STAG1: variants seen among roughly 807,000 people sequenced by gnomAD.
STAG1 encodes STAG1 cohesin complex component.
In STAG1, 26 loss-of-function variants were observed where a neutral mutation model predicts 170.9. That is an observed-to-expected ratio of 0.15 (90% CI 0.11 to 0.21). STAG1 has a LOEUF of 0.21. STAG1 is among the 10% of genes least tolerant of loss of function. The probability of loss-of-function intolerance (pLI) is 1.00; values close to 1 mark genes in which losing one functional copy is unlikely to be tolerated. For synonymous variants in STAG1, 514 were observed against 497.7 expected (o/e 1.03, Z -0.44); for missense variants, 964 against 1,509.5 (o/e 0.64, Z 5.99).
intron 1 of STAG1, among the ~76,000 whole-genome samples, chr3:136,636,369 CAAT>C (rs1226264282): frequency 6.6e-6 from 1 of 152,094 alleles, no homozygotes; most frequent in Non-Finnish European, 1.5e-5. Flanking sequence ...ATAATTATGA[CAAT>C]GATGTTATTT....
intron 4 of STAG1, among the ~76,000 whole-genome samples, chr3:136,599,550 T>G (rs1274817839): frequency 6.6e-6 from 1 of 151,684 alleles, no homozygotes; most frequent in Admixed American, 6.6e-5. Context: ...TAAAATAAAA[T>G]AAAATAAATC....
chr3:136,736,841 G>C (rs879791099), intron 1 of STAG1: 110 of 1,581,760 alleles, frequency 7.0e-5, no homozygotes, highest in Non-Finnish European at 8.8e-5. Flanking sequence ...TGTTTTTTTC[G>C]CTCTTTCACA....
chr3:136,376,627 CT>C (rs1215626537), intron 23 of STAG1, among the ~76,000 whole-genome samples: 1 of 152,138 alleles, frequency 6.6e-6, no homozygotes, highest in Non-Finnish European at 1.5e-5. Flanking sequence ...GAATGGGCAG[CT>C]GTTTGGGCGG....
At chr3:136,743,485 T>G (rs1010774540) in intron 1 of STAG1, among the ~76,000 whole-genome samples, 7 of 151,852 alleles carry the variant, frequency 4.6e-5, no homozygotes, top group African/African-American at 1.7e-4. Flanking sequence ...ATCAATTAAG[T>G]AAAATGAACC....
At chr3:136,529,186 A>G (rs1033853298) in intron 6 of STAG1, among the ~76,000 whole-genome samples, 6 of 152,160 alleles carry the variant, frequency 3.9e-5, no homozygotes, top group Admixed American at 2.6e-4. Flanking sequence ...CAAATGTTCA[A>G]TTTGGGGTCC....
intron 7 of STAG1, among the ~76,000 whole-genome samples, chr3:136,508,035 A>G (rs1474198549): frequency 6.6e-6 from 1 of 152,182 alleles, no homozygotes; most frequent in Non-Finnish European, 1.5e-5. Flanking sequence ...ACCTAATAGG[A>G]GAGGACTGAG....
intron 6 of STAG1, among the ~76,000 whole-genome samples, chr3:136,531,587 A>AG (rs1935370088): frequency 6.6e-6 from 1 of 151,938 alleles, no homozygotes; most frequent in Non-Finnish European, 1.5e-5. Flanking sequence ...AGCCATAAAA[A>AG]TGATGAGTTC....
At chr3:136,486,669 T>C (rs995289824) in intron 9 of STAG1, among the ~76,000 whole-genome samples, 6 of 152,156 alleles carry the variant, frequency 3.9e-5, no homozygotes, top group African/African-American at 1.2e-4. Flanking sequence ...GATTAAAACT[T>C]AGTGACTACT....
intron 16 of STAG1, among the ~76,000 whole-genome samples, chr3:136,425,397 ATGTG>A (rs2088088060): frequency 6.6e-6 from 1 of 152,164 alleles, no homozygotes. Flanking sequence ...ATATATCTGT[ATGTG>A]TACATGCCTT....
At chr3:136,418,438 A>AT in intron 20 of STAG1, among the ~76,000 whole-genome samples, 1 of 150,090 alleles carries the variant, frequency 6.7e-6, no homozygotes, top group East Asian at 2.0e-4. Context: ...AAAAAGATCC[A>AT]TAAAGGAAAT....
chr3:136,715,338 A>T (rs1559967980), intron 1 of STAG1, among the ~76,000 whole-genome samples: 1 of 151,598 alleles, frequency 6.6e-6, no homozygotes, highest in Non-Finnish European at 1.5e-5. Context: ...ATAATTATTT[A>T]GGCCCGGTGC....
At chr3:136,428,996 C>T (rs898182451) in intron 16 of STAG1, among the ~76,000 whole-genome samples, 3 of 151,874 alleles carry the variant, frequency 2.0e-5, no homozygotes, top group Non-Finnish European at 4.4e-5. Context: ...ACTAGCTAGG[C>T]GTGGTGGCAC....
chr3:136,437,592 A>G (rs2088495912), intron 15 of STAG1, among the ~76,000 whole-genome samples: 1 of 152,202 alleles, frequency 6.6e-6, no homozygotes, highest in South Asian at 2.1e-4. Flanking sequence ...AGTATCACTG[A>G]ATATATATGG....
At chr3:136,702,121 GACAGAGAGAC>G (rs1395553055) in intron 1 of STAG1, among the ~76,000 whole-genome samples, 16 of 66,692 alleles carry the variant, frequency 2.4e-4, no homozygotes, top group African/African-American at 8.8e-4. Flanking sequence ...GAGAGAGAGA[GACAGAGAGAC>G]AGAGAGACAG....
chr3:136,458,780 A>T (rs1302250679), intron 13 of STAG1, among the ~76,000 whole-genome samples: 1 of 152,260 alleles, frequency 6.6e-6, no homozygotes, highest in Non-Finnish European at 1.5e-5. Context: ...ATGCCGTAAG[A>T]AACTCACTTC....
intron 1 of STAG1, among the ~76,000 whole-genome samples, chr3:136,743,444 G>C (rs1278907622): frequency 1.3e-5 from 2 of 151,488 alleles, no homozygotes; most frequent in Non-Finnish European, 2.9e-5. Context: ...ACATTAGAAG[G>C]ATAGCAAGGA....
At chr3:136,444,858 G>A (rs575072480) in intron 14 of STAG1, among the ~76,000 whole-genome samples, 1 of 152,164 alleles carries the variant, frequency 6.6e-6, no homozygotes, top group South Asian at 2.1e-4. Flanking sequence ...TAACTTCAGT[G>A]TGATTTTTTT....
At chr3:136,746,572 A>G (rs1934944738) in intron 1 of STAG1, among the ~76,000 whole-genome samples, 1 of 152,164 alleles carries the variant, frequency 6.6e-6, no homozygotes, top group South Asian at 2.1e-4. Flanking sequence ...TGCTTCTTGG[A>G]CTGCTAAACC....
At chr3:136,372,504 T>C (rs993462142) in intron 23 of STAG1, among the ~76,000 whole-genome samples, 1 of 152,206 alleles carries the variant, frequency 6.6e-6, no homozygotes, top group Non-Finnish European at 1.5e-5. Context: ...ATAGCTCTTA[T>C]TATTTTGAGA....
Sources: gnomAD v4.1 joint callset for allele counts (sites outside exome capture counted in the v4.1 genomes callset) on GRCh38, gnomAD v4.1.1 for gene constraint, MANE v1.5 for transcripts, NCBI Gene and HGNC (gene_info 2026-07-23, HGNC 2026-07-21) for gene names.